VAV3: variants seen among roughly 807,000 people sequenced by gnomAD.
VAV3 encodes the protein vav guanine nucleotide exchange factor 3.
Under a neutral mutation model 131.2 loss-of-function variants are expected in VAV3, and 94 were observed. The ratio of observed to expected loss-of-function variants is 0.72; its 90% CI spans 0.61 to 0.85. VAV3 has a LOEUF of 0.85. Among genes scored for constraint, VAV3 ranks in the 40% least tolerant of loss-of-function variants. The probability of loss-of-function intolerance (pLI) is 0.00; values close to 1 mark genes in which losing one functional copy is unlikely to be tolerated. For missense variants in VAV3, 939 were observed against 1,002.7 expected (o/e 0.94, Z 0.86); for synonymous variants, 349 against 342.0 (o/e 1.02, Z -0.22).
chr1:107,704,260 ATT>A (rs1557776457), intron 17 of VAV3, among the ~76,000 whole-genome samples: 4 of 152,124 alleles, frequency 2.6e-5, no homozygotes, highest in Non-Finnish European at 5.9e-5. Flanking sequence ...TTAGTCATTT[ATT>A]TAGGGCTTTT....
chr1:107,818,833 C>T (rs1325147395), intron 2 of VAV3, among the ~76,000 whole-genome samples: 1 of 152,164 alleles, frequency 6.6e-6, no homozygotes, highest in East Asian at 1.9e-4. Flanking sequence ...TCCAGCCCTC[C>T]CCTCTCGACA....
In VAV3 at chr1:107,772,734, C is replaced by T. The variant is rs376660170; in HGVS notation, c.555+1G>A. The T allele has an allele frequency of 1.8e-5, 29 of 1,609,002 alleles. No individual in the cohort carries two copies. Among genetic ancestry groups the T allele is most frequent in the Non-Finnish European group, 2.1e-5 (25 of 1,177,408 alleles). On this transcript the variant is annotated splice_donor_variant, in intron 5 of 26. Transcript: ENST00000370056. LOFTEE classifies it high-confidence loss of function. ...ACTTTAAAAACAAGTAAAAGTCCTA[C>T]GGGCTGATGTGCTTCCTCTGCCTTC... is the stretch of plus-strand genomic sequence containing the variant.
chr1:107,633,674 T>A (rs976106639), intron 20 of VAV3, among the ~76,000 whole-genome samples: 5 of 152,098 alleles, frequency 3.3e-5, no homozygotes, highest in African/African-American at 1.2e-4. Context: ...GCGGCAAAAG[T>A]AATTCTGCAC....
At chr1:107,606,779 G>T (rs1652298161) in intron 22 of VAV3, among the ~76,000 whole-genome samples, 2 of 119,410 alleles carry the variant, frequency 1.7e-5, no homozygotes, top group East Asian at 2.3e-4. Context: ...TTTTTAAGGT[G>T]TCTGCTCACT....
chr1:107,705,338 T>C (rs371260684), intron 15 of VAV3, among the ~76,000 whole-genome samples: 1 of 141,404 alleles, frequency 7.1e-6, no homozygotes, highest in Non-Finnish European at 1.5e-5. Context: ...AATGGCCACA[T>C]AGGTCAACCT....
chr1:107,580,843 T>C (rs1327770425), intron 25 of VAV3, among the ~76,000 whole-genome samples: 2 of 152,210 alleles, frequency 1.3e-5, no homozygotes, highest in African/African-American at 4.8e-5. Context: ...TATATTTCCA[T>C]CCATACTGAT....
intron 15 of VAV3, 21 bp from the exon 16 acceptor site, chr1:107,705,082 A>G: frequency 6.4e-7 from 1 of 1,572,720 alleles, no homozygotes; most frequent in African/African-American, 1.4e-5. Context: ...GAAAAAAATA[A>G]CTTTCTATAG....
chr1:107,810,517 A>G lies in VAV3; in HGVS notation c.322-31025T>C, dbSNP rs776200956. 1.5e-4 allele frequency among the ~76,000 whole-genome samples: 23 copies of G among 152,352 alleles called. No individual in the cohort carries two copies. In the Middle Eastern group the frequency reaches 0.017, roughly 113 times the overall value. On this transcript the variant is annotated intron_variant, in intron 2 of 26. Coordinates refer to ENST00000370056, the MANE Select transcript of VAV3 (RefSeq NM_006113.5). Reference sequence around the variant, plus strand: ...TTTTAAAATTGCTATGAGACATGGAAGTTTTACTATTTCACAAAAATTTAT... The same window carrying G: ...TTTTAAAATTGCTATGAGACATGGAGGTTTTACTATTTCACAAAAATTTAT...
intron 2 of VAV3, among the ~76,000 whole-genome samples, chr1:107,870,258 G>A (rs556045550): frequency 2.2e-4 from 33 of 152,248 alleles, no homozygotes; most frequent in South Asian, 4.1e-4. Flanking sequence ...CACCAGCAGC[G>A]TAGAAGTGTT....
intron 19 of VAV3, among the ~76,000 whole-genome samples, chr1:107,649,554 C>T (rs1380110129): frequency 6.6e-6 from 1 of 151,910 alleles, no homozygotes; most frequent in African/African-American, 2.4e-5. Context: ...TGAGATGATC[C>T]CCTTGGCTTT....
At chr1:107,631,246 TA>T (rs2101385817) in intron 20 of VAV3, among the ~76,000 whole-genome samples, 2 of 152,150 alleles carry the variant, frequency 1.3e-5, no homozygotes, top group East Asian at 3.9e-4. Context: ...TACATTTAAA[TA>T]TGAGTATTAC....
Position 107,573,059 on chromosome 1 carries a change from C to A in VAV3, c.*272G>T, listed in dbSNP as rs1649365227. On this transcript the variant is annotated 3_prime_UTR_variant, in exon 27 of 27. Transcript: ENST00000370056. ...GAACCAATGTGTTTGCAGGGCTCTT[C>A]TGGGAAGAACAGCTCTTGGTTTTGC... 2 of 436,992 alleles carry A rather than the reference C, an allele frequency of 4.6e-6. No individual in the cohort carries two copies. Among genetic ancestry groups the A allele is most frequent in the South Asian group, 6.0e-5 (1 of 16,548 alleles). 27.1% of individuals were successfully genotyped at this position (436,992 alleles called of 1,614,324 possible).
intron 21 of VAV3, among the ~76,000 whole-genome samples, chr1:107,611,070 G>C (rs1557701848): frequency 6.6e-6 from 1 of 152,158 alleles, no homozygotes. Flanking sequence ...CTTGGGACTA[G>C]AGATGTTTCA....
chr1:107,719,574 T>C (rs146998494), intron 15 of VAV3, among the ~76,000 whole-genome samples: 6 of 151,940 alleles, frequency 3.9e-5, no homozygotes, highest in African/African-American at 1.4e-4. Context: ...TGCTGGAGAG[T>C]ATGTGGAGAA....
intron 2 of VAV3, among the ~76,000 whole-genome samples, chr1:107,818,952 A>C (rs1667674268): frequency 6.6e-6 from 1 of 152,328 alleles, no homozygotes; most frequent in East Asian, 1.9e-4. Context: ...AGTTTTATTC[A>C]ATTCAGTTTT....
rs929080545 is a variant in VAV3 at position 107,571,685 on chromosome 1, C to T, written c.*1646G>A. The T allele has an allele frequency of 1.3e-5, 2 of 152,552 alleles. No individual in the cohort carries two copies. The highest frequency in any genetic ancestry group is 4.1e-4 in the South Asian group (2 of 4,824). The allele number at this position is 152,552 out of a possible 1,614,324, so 9.4% of individuals were successfully genotyped here. A position where few individuals can be genotyped will look rare whatever the true frequency, so the allele number is the denominator to read the frequency against. On this transcript the variant is annotated 3_prime_UTR_variant, in exon 27 of 27. Coordinates refer to ENST00000370056, the MANE Select transcript of VAV3 (RefSeq NM_006113.5). ...ATTGTACAGAACATTTTATAAAATA[C>T]ATTTTTGTGATCATTTACACATATA...
At chr1:107,852,100 C>A (rs1332756990) in intron 2 of VAV3, among the ~76,000 whole-genome samples, 1 of 152,018 alleles carries the variant, frequency 6.6e-6, no homozygotes, top group Non-Finnish European at 1.5e-5. Flanking sequence ...CAACTGAGGC[C>A]AGAGGAATGA....
chr1:107,607,669 C>A (rs1338218853), intron 22 of VAV3, among the ~76,000 whole-genome samples: 2 of 152,206 alleles, frequency 1.3e-5, no homozygotes, highest in Non-Finnish European at 2.9e-5. Context: ...GTTCTGCATA[C>A]AGATTTTAGG....
intron 15 of VAV3, among the ~76,000 whole-genome samples, chr1:107,735,069 A>G (rs867431426): frequency 6.6e-6 from 1 of 152,226 alleles, no homozygotes; most frequent in Non-Finnish European, 1.5e-5. Context: ...AGAACTGCAC[A>G]ACTACATGGA....
Sources: allele counts gnomAD v4.1 joint callset (sites outside exome capture counted in the v4.1 genomes callset), GRCh38; gene constraint gnomAD v4.1.1; transcripts MANE v1.5; gene names NCBI Gene and HGNC (gene_info 2026-07-23, HGNC 2026-07-21).